KIF20B: variants seen among roughly 807,000 people sequenced by gnomAD.
The protein encoded by KIF20B is kinesin family member 20B, also known as kinesin-like protein KIF20B.
Under a neutral mutation model 232.5 loss-of-function variants are expected in KIF20B, and 188 were observed. The ratio of observed to expected loss-of-function variants is 0.81; its 90% CI spans 0.72 to 0.91. KIF20B has a LOEUF of 0.91. Among genes scored for constraint, KIF20B ranks in the 40% least tolerant of loss-of-function variants. The probability of loss-of-function intolerance (pLI) is 0.00; values close to 1 mark genes in which losing one functional copy is unlikely to be tolerated. For missense variants in KIF20B, 2,154 were observed against 2,055.9 expected (o/e 1.05, Z -0.92); for synonymous variants, 712 against 683.0 (o/e 1.04, Z -0.66).
Position 89,772,671 on chromosome 10 carries a change from A to T in KIF20B, c.5243-18A>T. On this transcript the variant is annotated intron_variant, in intron 31 of 32. Transcript: ENST00000371728. Reference sequence around the variant, plus strand: ...TAGAAAATTATTTCAGGAACTAATTAACAATTTTATTTTATAGCAAAGAAG... The same window carrying T: ...TAGAAAATTATTTCAGGAACTAATTTACAATTTTATTTTATAGCAAAGAAG... 6.7e-7 allele frequency: 1 copy of T among 1,487,100 alleles called. No homozygotes were observed. The highest frequency in any genetic ancestry group is 9.2e-7 in the Non-Finnish European group (1 of 1,091,534). 92.1% of individuals were successfully genotyped at this position (1,487,100 alleles called of 1,614,324 possible).
At chr10:89,733,289 G>C in intron 19 of KIF20B, 2 of 408,428 alleles carry the variant, frequency 4.9e-6, no homozygotes, top group Non-Finnish European at 8.9e-6. Context: ...TTCTTTCGCA[G>C]TCTATGTAAT....
At chr10:89,737,263 A>ATT (rs60734702) in intron 19 of KIF20B, 124 bp from the exon 20 acceptor site, 44 of 887,348 alleles carry the variant, frequency 5.0e-5, no homozygotes, top group Middle Eastern at 4.2e-4. Context: ...AGCTTATTTC[A>ATT]TTTTTTTTTT....
chr10:89,706,677 T>C (rs1842730097), intron 2 of KIF20B, among the ~76,000 whole-genome samples: 1 of 152,062 alleles, frequency 6.6e-6, no homozygotes, highest in African/African-American at 2.4e-5. Context: ...GCATTATCTA[T>C]TGAAAAGACT....
chr10:89,735,843 G>A (rs528838892), intron 19 of KIF20B, among the ~76,000 whole-genome samples: 1 of 152,112 alleles, frequency 6.6e-6, no homozygotes, highest in East Asian at 1.9e-4. Context: ...CGGCCAGAAA[G>A]TAGTAGGTTT....
chr10:89,737,710 C>T lies in KIF20B; in HGVS notation c.2869C>T (p.Gln957Ter), dbSNP rs1841689536. 4 of 1,612,790 alleles carry T rather than the reference C, an allele frequency of 2.5e-6. No homozygotes were observed. The highest frequency in any genetic ancestry group is 1.3e-5 in the African/African-American group (1 of 74,954). ...TGTGCAGAAAAGTAAAAATCAAGAACAGGAGGAAAAGATCATGAAATTGTC... is the reference window on the plus strand; with the variant it reads ...TGTGCAGAAAAGTAAAAATCAAGAATAGGAGGAAAAGATCATGAAATTGTC... ...LHVQKSKNQE[Q>*]EEKIMKLSNE... is the part of the protein sequence containing the mutation. The change falls in exon 20 of 33, where the codon CAG (glutamine) becomes TAG (stop). Residue 957 changes from glutamine to a stop codon, truncating the protein, a stop_gained. Transcript: ENST00000371728. LOFTEE classifies it high-confidence loss of function.
intron 21 of KIF20B, among the ~76,000 whole-genome samples, chr10:89,739,349 A>G (rs1380872065): frequency 6.6e-6 from 1 of 152,196 alleles, no homozygotes; most frequent in East Asian, 1.9e-4. Flanking sequence ...GCTAAATGTA[A>G]GTCCTTACAA....
chr10:89,745,967 A>G lies in KIF20B; in HGVS notation c.4096+8A>G. ...ATGAGAGAGCATGCAAAGGTCAGGA[A>G]CAAGTTTGTACTTCTGGAACCAGAA... On this transcript the variant is annotated splice_region_variant and intron_variant, in intron 23 of 32. Transcript: ENST00000371728. The G allele has an allele frequency of 6.2e-7, 1 of 1,604,786 alleles. No homozygotes were observed. The highest frequency in any genetic ancestry group is 8.5e-7 in the Non-Finnish European group (1 of 1,171,546).
chr10:89,756,985 A>T (rs566801157), intron 26 of KIF20B, among the ~76,000 whole-genome samples: 1 of 149,376 alleles, frequency 6.7e-6, no homozygotes, highest in Non-Finnish European at 1.5e-5. Flanking sequence ...AAACATTTTT[A>T]TACATTTGTT....
intron 29 of KIF20B, among the ~76,000 whole-genome samples, chr10:89,767,789 T>A (rs1842393068): frequency 6.6e-6 from 1 of 152,122 alleles, no homozygotes; most frequent in Non-Finnish European, 1.5e-5. Context: ...TTGTCAAATG[T>A]CAATGAGAGA....
intron 29 of KIF20B, chr10:89,766,470 A>G (rs542374089): frequency 6.6e-6 from 1 of 152,326 alleles, no homozygotes; most frequent in Admixed American, 6.6e-5. Flanking sequence ...AAACCAATAC[A>G]GAGAAGTGCT....
intron 15 of KIF20B, 147 bp downstream of exon 15, chr10:89,725,305 T>A (rs1843158143): frequency 2.6e-6 from 2 of 762,320 alleles, no homozygotes; most frequent in African/African-American, 1.8e-5. Flanking sequence ...CATGTTTTTT[T>A]AGAAGTGTAA....
At chr10:89,709,294 A>G in intron 3 of KIF20B, 41 bp downstream of exon 3, 1 of 1,589,212 alleles carries the variant, frequency 6.3e-7, no homozygotes, top group Non-Finnish European at 8.6e-7. Flanking sequence ...TTTTACTTTC[A>G]TTTAAAATGG....
chr10:89,704,909 T>C (rs140951093), intron 1 of KIF20B, among the ~76,000 whole-genome samples: 26 of 152,352 alleles, frequency 1.7e-4, no homozygotes, highest in African/African-American at 5.8e-4. Flanking sequence ...GTAAGTAACA[T>C]TCTACAGGAG....
At chr10:89,729,766 T>C (rs1843278647) in intron 18 of KIF20B, among the ~76,000 whole-genome samples, 2 of 152,262 alleles carry the variant, frequency 1.3e-5, no homozygotes, top group Admixed American at 1.3e-4. Context: ...CATACAAATT[T>C]AGATAATTTC....
intron 20 of KIF20B, 148 bp downstream of exon 20, chr10:89,738,765 T>C: frequency 1.7e-6 from 2 of 1,198,164 alleles, no homozygotes; most frequent in South Asian, 3.4e-5. Context: ...CATATAAACC[T>C]TTGGACCATA....
intron 17 of KIF20B, 41 bp downstream of exon 17, chr10:89,727,937 A>G: frequency 6.7e-7 from 1 of 1,486,612 alleles, no homozygotes; most frequent in Non-Finnish European, 9.1e-7. Context: ...AAGGTATTTA[A>G]TTAACAAAGG....
At chr10:89,728,583 G>A (rs1397209403) in intron 17 of KIF20B, among the ~76,000 whole-genome samples, 1 of 151,974 alleles carries the variant, frequency 6.6e-6, no homozygotes, top group African/African-American at 2.4e-5. Context: ...ATGGCTCACT[G>A]CAGCCTACGT....
chr10:89,757,040 G>GTGTATGTA (rs1301847520), intron 26 of KIF20B, among the ~76,000 whole-genome samples: 2 of 110,748 alleles, frequency 1.8e-5, no homozygotes, highest in Admixed American at 9.6e-5. Flanking sequence ...GTGTGTGTGT[G>GTGTATGTA]TATATATATA....
chr10:89,769,753 C>G (rs967987086), intron 31 of KIF20B, among the ~76,000 whole-genome samples: 2 of 151,788 alleles, frequency 1.3e-5, no homozygotes, highest in African/African-American at 4.8e-5. Context: ...AGGAAATGTT[C>G]ATGCAATTAC....
Sources: allele counts gnomAD v4.1 joint callset (sites outside exome capture counted in the v4.1 genomes callset), GRCh38; gene constraint gnomAD v4.1.1; transcripts MANE v1.5; gene names NCBI Gene and HGNC (gene_info 2026-07-23, HGNC 2026-07-21).